Variants in GLT8D2 observed in about 807,000 individuals in gnomAD.
GLT8D2 encodes glycosyltransferase 8 domain-containing protein 2.
A neutral mutation model predicts 44.5 loss-of-function variants in GLT8D2; 45 were observed. The ratio of observed to expected loss-of-function variants is 1.01; its 90% CI spans 0.80 to 1.30. The LOEUF (loss-of-function observed/expected upper bound fraction) is 1.30. GLT8D2 is among the 50% of genes most tolerant of loss of function. The pLI, the probability that GLT8D2 is intolerant of heterozygous loss-of-function variation, is 0.00. For synonymous variants in GLT8D2, 156 were observed against 157.2 expected (o/e 0.99, Z 0.06); for missense variants, 400 against 430.4 (o/e 0.93, Z 0.62).
chr12:104,035,953 A>G (rs112034369), intron 1 of GLT8D2, among the ~76,000 whole-genome samples: 11,387 of 152,318 alleles, frequency 0.075, 513 homozygotes, highest in East Asian at 0.15. Context: ...GAAGCCCATC[A>G]GACTAACAGC....
chr12:103,997,195 T>C (rs1191979705), intron 7 of GLT8D2, among the ~76,000 whole-genome samples: 1 of 152,208 alleles, frequency 6.6e-6, no homozygotes, highest in Non-Finnish European at 1.5e-5. Flanking sequence ...TTCCGTACAT[T>C]ATAGGCATAC....
At chr12:104,039,996 G>A (rs1275906842) in intron 1 of GLT8D2, among the ~76,000 whole-genome samples, 1 of 152,158 alleles carries the variant, frequency 6.6e-6, no homozygotes, top group African/African-American at 2.4e-5. Flanking sequence ...TCCTTTGCAG[G>A]GACATGGATG....
intron 8 of GLT8D2, among the ~76,000 whole-genome samples, chr12:103,996,483 G>T (rs1277637713): frequency 2.0e-5 from 3 of 152,204 alleles, no homozygotes; most frequent in African/African-American, 7.2e-5. Flanking sequence ...AAGTAGACAT[G>T]ATTGTTCCCA....
intron 4 of GLT8D2, among the ~76,000 whole-genome samples, chr12:104,007,350 G>C (rs1421742514): frequency 6.9e-6 from 1 of 144,704 alleles, no homozygotes; most frequent in Non-Finnish European, 1.5e-5. Flanking sequence ...TGAGGTCCAG[G>C]GTAGTTCTAG....
At chr12:104,047,214 A>G (rs1008365025) in intron 1 of GLT8D2, among the ~76,000 whole-genome samples, 1 of 151,894 alleles carries the variant, frequency 6.6e-6, no homozygotes, top group Non-Finnish European at 1.5e-5. Context: ...TGGCAGATTC[A>G]GTGCCTGGTG....
chr12:104,033,661 A>G (rs1879588524), intron 1 of GLT8D2, among the ~76,000 whole-genome samples: 1 of 151,724 alleles, frequency 6.6e-6, no homozygotes, highest in African/African-American at 2.4e-5. Context: ...CTCACTGCAC[A>G]TACGCAAAAG....
intron 6 of GLT8D2, 63 bp from the exon 7 acceptor site, chr12:103,997,598 G>T (rs994885488): frequency 6.1e-6 from 7 of 1,149,702 alleles, no homozygotes; most frequent in Non-Finnish European, 5.3e-6. Flanking sequence ...TCTTCTGGGG[G>T]TACTGGAGAG....
At chr12:104,004,633 G>A (rs147687334) in intron 4 of GLT8D2, among the ~76,000 whole-genome samples, 4,311 of 152,276 alleles carry the variant, frequency 0.028, 83 homozygotes, top group Middle Eastern at 0.11. Context: ...ATTCACAATT[G>A]CTTCAAAGAG....
chr12:104,012,014 A>C (rs959229414), intron 4 of GLT8D2, among the ~76,000 whole-genome samples: 8 of 151,706 alleles, frequency 5.3e-5, no homozygotes, highest in African/African-American at 1.7e-4. Flanking sequence ...TCTCCTAAAA[A>C]TACAAAATTA....
intron 1 of GLT8D2, among the ~76,000 whole-genome samples, chr12:104,032,982 C>T (rs563557091): frequency 1.5e-4 from 23 of 151,644 alleles, no homozygotes; most frequent in African/African-American, 2.2e-4. Flanking sequence ...GGGGTTCAAG[C>T]GATTCTCCTG....
rs1593580795 is a variant in GLT8D2 at position 104,058,809 on chromosome 12, C to T, written c.-423+5140G>A. Among the ~76,000 whole-genome samples, 3 of 152,324 alleles carry T rather than the reference C, an allele frequency of 2.0e-5. No homozygotes were observed. In the South Asian group the frequency reaches 6.2e-4, roughly 32 times the overall value. The stretch of plus-strand genomic sequence containing the variant: ...CATATGCCTAAAAAGTCTAGAGCAG[C>T]ACTGTCCAATAGAGCTTTCTATAAC... On this transcript the variant is annotated intron_variant, in intron 1 of 10. Coordinates refer to the GLT8D2 transcript ENST00000548660.
intron 1 of GLT8D2, among the ~76,000 whole-genome samples, chr12:104,044,038 A>T (rs570587043): frequency 1.6e-4 from 24 of 152,188 alleles, no homozygotes; most frequent in Non-Finnish European, 3.2e-4. Flanking sequence ...TGCTCTGTTC[A>T]AAACCTTCCA....
intron 8 of GLT8D2, among the ~76,000 whole-genome samples, chr12:103,995,845 C>T (rs369577083): frequency 1.6e-4 from 24 of 152,308 alleles, no homozygotes; most frequent in African/African-American, 5.3e-4. Context: ...TTCTATACAC[C>T]AGGCCCTTTT....
chr12:104,023,015 A>C (rs1055370205), intron 1 of GLT8D2, among the ~76,000 whole-genome samples: 1 of 152,232 alleles, frequency 6.6e-6, no homozygotes, highest in Non-Finnish European at 1.5e-5. Context: ...GAATTGGCCC[A>C]TGAGAACTAT....
At chr12:104,042,863 C>A (rs1440318541) in intron 1 of GLT8D2, among the ~76,000 whole-genome samples, 1 of 152,214 alleles carries the variant, frequency 6.6e-6, no homozygotes, top group African/African-American at 2.4e-5. Flanking sequence ...TCCAGCACTG[C>A]CTGTGGCCTG....
chr12:103,993,406 T>C lies in GLT8D2; in HGVS notation c.866A>G (p.His289Arg). ...GKYSTINPLW[H>R]IRHLGWNPDA... is the part of the protein sequence containing the mutation. ...GAAATACTTACCCAGGTGCCTTATG[T>C]GCCACAGGGGGTTAATTGTGGAATA... is the stretch of plus-strand genomic sequence containing the variant. The change falls in exon 10 of 11, where the codon CAC becomes CGC. Residue 289 changes from histidine to arginine, a missense_variant. Transcript: ENST00000360814. The C allele has an allele frequency of 6.2e-7, 1 of 1,612,296 alleles. No homozygotes were observed. The highest frequency in any genetic ancestry group is 8.5e-7 in the Non-Finnish European group (1 of 1,178,256).
chr12:104,014,556 G>A (rs774531137), intron 4 of GLT8D2, among the ~76,000 whole-genome samples: 3 of 152,158 alleles, frequency 2.0e-5, no homozygotes, highest in Non-Finnish European at 1.5e-5. Flanking sequence ...TTATGAGGCT[G>A]ACTTGCACTG....
At position 103,997,538 on chromosome 12, in the gene GLT8D2, G is replaced by A. The variant is rs1309004430; in HGVS notation, c.403-3C>T. On this transcript the variant is annotated splice_region_variant and splice_polypyrimidine_tract_variant and intron_variant, in intron 6 of 10. Coordinates refer to ENST00000360814, the MANE Select transcript of GLT8D2 (RefSeq NM_001384711.1). The stretch of plus-strand genomic sequence containing the variant: ...AGATAAAATCGAACAAAGTTCAGCT[G>A]TTAAAACGACAAAAGAAATGATGGT... 6.2e-7 allele frequency: 1 copy of A among 1,609,702 alleles called. No individual in the cohort carries two copies. Among genetic ancestry groups the A allele is most frequent in the East Asian group, 2.2e-5 (1 of 44,842 alleles).
chr12:103,999,621 A>G, intron 5 of GLT8D2, 107 bp from the exon 6 acceptor site: 2 of 705,764 alleles, frequency 2.8e-6, no homozygotes, highest in South Asian at 1.6e-5. Context: ...TAAAATTAAA[A>G]TGTGCGTAAA....
Sources: allele counts gnomAD v4.1 joint callset (sites outside exome capture counted in the v4.1 genomes callset), GRCh38; gene constraint gnomAD v4.1.1; transcripts MANE v1.5; gene names NCBI Gene and HGNC (gene_info 2026-07-23, HGNC 2026-07-21).